PLEKHG4B: variants seen among roughly 807,000 people sequenced by gnomAD.
PLEKHG4B encodes the protein pleckstrin homology and RhoGEF domain containing G4B.
Under a neutral mutation model 121.3 loss-of-function variants are expected in PLEKHG4B, and 111 were observed. The observed-to-expected ratio is 0.92, with a 90% CI of 0.78 to 1.07. The LOEUF (loss-of-function observed/expected upper bound fraction) is 1.07. PLEKHG4B is among the 50% of genes least tolerant of loss of function. The pLI is 0.00. For missense variants in PLEKHG4B, 1,831 were observed against 1,757.8 expected (o/e 1.04, Z -0.74); for synonymous variants, 738 against 725.0 (o/e 1.02, Z -0.29).
At chr5:168,340 G>T (rs1308247170) in intron 13 of PLEKHG4B, among the ~76,000 whole-genome samples, 1 of 152,100 alleles carries the variant, frequency 6.6e-6, no homozygotes, top group African/African-American at 2.4e-5. Flanking sequence ...TCCACCTCTG[G>T]GCCGTCCTGC....
chr5:141,710 C>CTTT, intron 3 of PLEKHG4B, among the ~76,000 whole-genome samples: 1 of 126,492 alleles, frequency 7.9e-6, no homozygotes, highest in African/African-American at 3.6e-5. Context: ...TTAAATATTT[C>CTTT]ATTTTTTTTT....
chr5:144,978 C>A, intron 6 of PLEKHG4B, 58 bp downstream of exon 6: 1 of 1,490,126 alleles, frequency 6.7e-7, no homozygotes, highest in Non-Finnish European at 9.3e-7. Flanking sequence ...CCGTGTGTTG[C>A]TGGGGCTGCC....
intron 2 of PLEKHG4B, among the ~76,000 whole-genome samples, chr5:116,000 C>G (rs1331303921): frequency 6.6e-6 from 1 of 152,196 alleles, no homozygotes; most frequent in African/African-American, 2.4e-5. Flanking sequence ...TAGCTGACTT[C>G]TAGGTGCAGG....
At chr5:169,207 C>A in intron 13 of PLEKHG4B, 133 bp from the exon 14 acceptor site, 2 of 1,241,438 alleles carry the variant, frequency 1.6e-6, no homozygotes, top group Non-Finnish European at 2.2e-6. Flanking sequence ...CACATGTGCC[C>A]ATGTGCCTCC....
chr5:148,915 C>T (rs1002262342), intron 6 of PLEKHG4B, among the ~76,000 whole-genome samples: 3 of 152,128 alleles, frequency 2.0e-5, no homozygotes, highest in Non-Finnish European at 4.4e-5. Context: ...ATGAAACTAA[C>T]AATCATATAC....
intron 1 of PLEKHG4B, among the ~76,000 whole-genome samples, chr5:104,248 C>T (rs892894330): frequency 3.3e-5 from 5 of 151,354 alleles, no homozygotes; most frequent in Admixed American, 2.6e-4. Context: ...GTCCCAGCAC[C>T]GATTCCTAAA....
rs1244378667 is a variant in PLEKHG4B at position 183,904 on chromosome 5, CTA to C, written c.*1583_*1584del. On this transcript the variant is annotated 3_prime_UTR_variant, in exon 20 of 20. Transcript: ENST00000637938. ...CACCTTGAAGACACATCAGTGGAAA[CTA>C]TTTGCATTTGTTGGGCCTCCAGAGA... 3.3e-5 allele frequency: 5 copies of C among 152,074 alleles called. No individual in the cohort carries two copies. The highest frequency in any genetic ancestry group is 5.9e-5 in the Non-Finnish European group (4 of 68,044). 9.4% of individuals were successfully genotyped at this position (152,074 alleles called of 1,614,324 possible).
chr5:116,508 T>C (rs1734311745), intron 2 of PLEKHG4B, among the ~76,000 whole-genome samples: 1 of 152,234 alleles, frequency 6.6e-6, no homozygotes, highest in Admixed American at 6.5e-5. Flanking sequence ...AAACAAGATA[T>C]GTCTGTACAT....
chr5:142,221 C>T (rs1319749075), intron 3 of PLEKHG4B, among the ~76,000 whole-genome samples: 1 of 152,082 alleles, frequency 6.6e-6, no homozygotes, highest in Non-Finnish European at 1.5e-5. Context: ...GGTTTCCAGC[C>T]CCTCACCTTT....
chr5:143,627 T>C, intron 5 of PLEKHG4B, 124 bp downstream of exon 5: 1 of 1,225,276 alleles, frequency 8.2e-7, no homozygotes, highest in South Asian at 1.4e-5. Context: ...CCTAACCTCA[T>C]CTTTCAGAGC....
At chr5:99,801 G>A (rs1009665800) in intron 1 of PLEKHG4B, among the ~76,000 whole-genome samples, 3 of 152,012 alleles carry the variant, frequency 2.0e-5, no homozygotes, top group Non-Finnish European at 4.4e-5. Context: ...TCCCTATTTT[G>A]TTCTTAATCT....
At chr5:176,112 C>T (rs1169434373) in intron 18 of PLEKHG4B, among the ~76,000 whole-genome samples, 6 of 118,844 alleles carry the variant, frequency 5.0e-5, no homozygotes, top group African/African-American at 1.6e-4. Flanking sequence ...CCCATGGCGT[C>T]GCCACAGGCT....
At chr5:97,154 A>C (rs926941589) in intron 1 of PLEKHG4B, among the ~76,000 whole-genome samples, 1 of 151,174 alleles carries the variant, frequency 6.6e-6, no homozygotes, top group Non-Finnish European at 1.5e-5. Context: ...CCTCATTCCA[A>C]AGTCAAAACC....
rs1048517511 is a variant in PLEKHG4B at position 157,075 on chromosome 5, G to A, written c.2487+164G>A. 1.6e-5 allele frequency: 17 copies of A among 1,074,876 alleles called. No individual in the cohort carries two copies. In the African/African-American group the frequency reaches 1.6e-4, roughly 10 times the overall value. 66.6% of individuals were successfully genotyped at this position (1,074,876 alleles called of 1,614,324 possible). A position where few individuals can be genotyped will look rare whatever the true frequency, so the allele number is the denominator to read the frequency against. ...GCATGCCTTGCTGCTTGTGTAAAAAGAAATAAATTTTATTTTTTACGTGAG... is the reference window on the plus strand; with the variant it reads ...GCATGCCTTGCTGCTTGTGTAAAAAAAAATAAATTTTATTTTTTACGTGAG... On this transcript the variant is annotated intron_variant, in intron 11 of 19. Transcript: ENST00000637938. The surrounding 1 kb of genome is among the most constrained non-coding windows in gnomAD (Gnocchi z 4.6).
intron 1 of PLEKHG4B, among the ~76,000 whole-genome samples, chr5:102,753 A>G (rs983857295): frequency 2.0e-5 from 3 of 152,202 alleles, no homozygotes; most frequent in African/African-American, 7.2e-5. Flanking sequence ...GTGAGAACAG[A>G]CTAATACAGA....
At chr5:180,774 AGCCCTGTGTCCCG>A (rs1342765998) in intron 18 of PLEKHG4B, among the ~76,000 whole-genome samples, 3 of 152,162 alleles carry the variant, frequency 2.0e-5, no homozygotes, top group African/African-American at 7.2e-5. Context: ...CCCAACTCCA[AGCCCTGTGTCCCG>A]GGCAGCCACA....
chr5:115,440 T>C (rs986043721), intron 2 of PLEKHG4B, among the ~76,000 whole-genome samples: 1 of 152,212 alleles, frequency 6.6e-6, no homozygotes, highest in Admixed American at 6.5e-5. Flanking sequence ...CAGCTTCAAC[T>C]GAAAGTCCCC....
Position 182,748 on chromosome 5 carries a change from GC to G in PLEKHG4B, c.*428del. ...TTTGCAGGCCTCAGTGCAGGGAGGG[GC>G]CCAGGAAGAGCCCAGCAGCCTCCGT... On this transcript the variant is annotated 3_prime_UTR_variant, in exon 20 of 20. Transcript: ENST00000637938. The G allele has an allele frequency of 5.1e-6, 1 of 195,434 alleles. No individual in the cohort carries two copies. Among genetic ancestry groups the G allele is most frequent in the Non-Finnish European group, 1.1e-5 (1 of 92,526 alleles). The allele number at this position is 195,434 out of a possible 1,614,324, so 12.1% of individuals were successfully genotyped here.
At chr5:133,730 A>T (rs986040400) in intron 2 of PLEKHG4B, among the ~76,000 whole-genome samples, 1 of 152,148 alleles carries the variant, frequency 6.6e-6, no homozygotes, top group African/African-American at 2.4e-5. Flanking sequence ...GAGATTCCTT[A>T]AAGAACTAAA....
Sources: gnomAD v4.1 joint callset for allele counts (sites outside exome capture counted in the v4.1 genomes callset) on GRCh38, gnomAD v4.1.1 for gene constraint, Gnocchi (gnomAD v3.1) non-coding constraint, MANE v1.5 for transcripts, NCBI Gene and HGNC (gene_info 2026-07-23, HGNC 2026-07-21) for gene names.